Variants in PAK3 observed in about 807,000 individuals in gnomAD.
PAK3 encodes p21 (RAC1) activated kinase 3.
Under a neutral mutation model 41.0 loss-of-function variants are expected in PAK3, and 4 were observed. The observed-to-expected ratio is 0.10, with a 90% CI of 0.05 to 0.22. The LOEUF (loss-of-function observed/expected upper bound fraction) is 0.22. Among genes scored for constraint, PAK3 ranks in the 10% least tolerant of loss-of-function variants. The pLI, the probability that PAK3 is intolerant of heterozygous loss-of-function variation, is 1.00. For missense variants in PAK3, 205 were observed against 409.9 expected (o/e 0.50, Z 4.32); for synonymous variants, 146 against 139.6 (o/e 1.05, Z -0.32).
intron 7 of PAK3, among the ~76,000 whole-genome samples, chrX:111,151,547 A>G (rs934050126): frequency 4.5e-5 from 5 of 111,877 alleles, no homozygotes; most frequent in Admixed American, 1.9e-4. Context: ...AGAAAGTGGG[A>G]AAAATCCTAG....
chrX:111,069,372 T>C (rs2092725069), intron 1 of PAK3, among the ~76,000 whole-genome samples: 1 of 111,503 alleles, frequency 9.0e-6, no homozygotes, highest in Non-Finnish European at 1.9e-5. Flanking sequence ...AAACAATCCA[T>C]CTGTCCATGG....
chrX:110,986,624 CTTATT>C (rs1380345023), intron 1 of PAK3, among the ~76,000 whole-genome samples: 1 of 111,806 alleles, frequency 8.9e-6, no homozygotes, highest in Non-Finnish European at 1.9e-5. Context: ...GCTTTCCCCA[CTTATT>C]TTATCAGATT....
chrX:111,029,748 C>A (rs964206829), intron 1 of PAK3, among the ~76,000 whole-genome samples: 1 of 111,893 alleles, frequency 8.9e-6, no homozygotes, highest in African/African-American at 3.2e-5. Context: ...GCACTTCCAG[C>A]ATGACTAATG....
At chrX:111,218,452 G>C (rs758342436) in intron 17 of PAK3, among the ~76,000 whole-genome samples, 1 of 112,217 alleles carries the variant, frequency 8.9e-6, no homozygotes, top group South Asian at 3.8e-4. Flanking sequence ...ACTTCTGTTA[G>C]CTAGGGGTGA....
intron 1 of PAK3, among the ~76,000 whole-genome samples, chrX:111,033,679 A>G (rs2092364459): frequency 9.0e-6 from 1 of 111,215 alleles, no homozygotes; most frequent in Non-Finnish European, 1.9e-5. Context: ...CCAACACCAA[A>G]TTAGCCAACT....
chrX:111,079,442 C>T (rs896221307), intron 1 of PAK3, among the ~76,000 whole-genome samples: 4 of 112,074 alleles, frequency 3.6e-5, no homozygotes, highest in African/African-American at 9.7e-5. Flanking sequence ...GACAGCACAT[C>T]TCTTTACAGC....
chrX:111,021,903 A>G (rs771550516), intron 1 of PAK3, among the ~76,000 whole-genome samples: 7 of 110,594 alleles, frequency 6.3e-5, no homozygotes, highest in African/African-American at 2.3e-4. Context: ...TCAGTAATAG[A>G]ATCAAACAAG....
At chrX:111,070,832 T>G (rs1179234204) in intron 1 of PAK3, among the ~76,000 whole-genome samples, 1 of 112,142 alleles carries the variant, frequency 8.9e-6, no homozygotes, top group Non-Finnish European at 1.9e-5. Flanking sequence ...CACCTTTTGA[T>G]AGTCTGTCTT....
chrX:111,219,190 A>AAATAATAATAATAATAAT (rs3062744), intron 17 of PAK3, among the ~76,000 whole-genome samples: 3 of 84,409 alleles, frequency 3.6e-5, no homozygotes, highest in Admixed American at 2.9e-4. Context: ...AGTCCATCTC[A>AAATAATAATAATAATAAT]AATAATAATA....
chrX:110,986,463 T>A lies in PAK3; in HGVS notation c.-28+41835T>A, dbSNP rs778240797. ...AGCATAATCCTCATTGTTAAGATGTTATCATGCTCATGGGCATAACAGAAA... is the reference window on the plus strand; with the variant it reads ...AGCATAATCCTCATTGTTAAGATGTAATCATGCTCATGGGCATAACAGAAA... On this transcript the variant is annotated intron_variant, in intron 1 of 14. Coordinates refer to the PAK3 transcript ENST00000425146. 2.7e-5 allele frequency among the ~76,000 whole-genome samples: 3 copies of A among 111,671 alleles called. No homozygotes were observed. The South Asian group carries it at 1.1e-3, about 43-fold the overall frequency.
intron 16 of PAK3, among the ~76,000 whole-genome samples, chrX:111,203,574 G>T (rs974670757): frequency 3.9e-4 from 44 of 111,666 alleles, no homozygotes; most frequent in African/African-American, 1.3e-3. Flanking sequence ...ACACTAGTAG[G>T]CTTCCCACTT....
At chrX:111,109,927 T>C (rs770580373) in intron 4 of PAK3, among the ~76,000 whole-genome samples, 1 of 112,265 alleles carries the variant, frequency 8.9e-6, no homozygotes, top group Admixed American at 9.5e-5. Flanking sequence ...CGGGCATTGA[T>C]GTCACATAGA....
intron 1 of PAK3, among the ~76,000 whole-genome samples, chrX:110,988,545 C>T (rs2091587952): frequency 8.9e-6 from 1 of 112,026 alleles, no homozygotes; most frequent in Admixed American, 9.5e-5. Flanking sequence ...CTTACCCTCA[C>T]TGTAGATACC....
intron 5 of PAK3, among the ~76,000 whole-genome samples, chrX:111,130,654 G>C (rs896608970): frequency 8.9e-6 from 1 of 111,877 alleles, no homozygotes; most frequent in Non-Finnish European, 1.9e-5. Context: ...ATTATAATAA[G>C]AGCAGTGAAT....
intron 1 of PAK3, among the ~76,000 whole-genome samples, chrX:110,999,253 C>G (rs2091802938): frequency 1.8e-5 from 2 of 111,832 alleles, no homozygotes; most frequent in Non-Finnish European, 3.8e-5. Context: ...GGCCAAGGAG[C>G]AGCTAAACCA....
At chrX:111,079,362 C>A (rs1205674761) in intron 1 of PAK3, among the ~76,000 whole-genome samples, 1 of 111,645 alleles carries the variant, frequency 9.0e-6, no homozygotes, top group Non-Finnish European at 1.9e-5. Context: ...TCTGAAAATC[C>A]TAGGGCCCTT....
intron 1 of PAK3, among the ~76,000 whole-genome samples, chrX:111,067,788 T>G (rs2092712197): frequency 9.0e-6 from 1 of 110,990 alleles, no homozygotes. Flanking sequence ...CTAGAATTTT[T>G]ATATTTATAT....
intron 3 of PAK3, among the ~76,000 whole-genome samples, chrX:111,100,765 CAG>C (rs1417626625): frequency 9.0e-6 from 1 of 111,628 alleles, no homozygotes; most frequent in Non-Finnish European, 1.9e-5. Flanking sequence ...AGTCCCCAGA[CAG>C]AGATTCTGTC....
chrX:111,143,675 A>G (rs1187229507), intron 6 of PAK3, among the ~76,000 whole-genome samples: 2 of 111,056 alleles, frequency 1.8e-5, no homozygotes, highest in African/African-American at 6.6e-5. Context: ...GTATAACCTG[A>G]AAAACGTTCT....
Sources: gnomAD v4.1 joint callset for allele counts (sites outside exome capture counted in the v4.1 genomes callset) on GRCh38, gnomAD v4.1.1 for gene constraint, MANE v1.5 for transcripts, NCBI Gene and HGNC (gene_info 2026-07-23, HGNC 2026-07-21) for gene names.